Variants in ADCY2 observed in about 807,000 individuals in gnomAD.
ADCY2 encodes the protein adenylate cyclase 2.
In ADCY2, 31 loss-of-function variants were observed where a neutral mutation model predicts 125.2. The ratio of observed to expected loss-of-function variants is 0.25; its 90% CI spans 0.19 to 0.33. The LOEUF is 0.33. Among genes scored for constraint, ADCY2 ranks in the 10% least tolerant of loss-of-function variants. ADCY2 has a pLI of 1.00. For synonymous variants in ADCY2, 512 were observed against 548.4 expected, an observed-to-expected ratio of 0.93 and a Z score of 0.93; for missense variants, 904 against 1,418.2, an observed-to-expected ratio of 0.64 and a Z score of 5.82.
In ADCY2 at chr5:7,560,790, G is replaced by A. The variant is rs867199764; in HGVS notation, c.570+39891G>A. 2.6e-5 allele frequency among the ~76,000 whole-genome samples: 4 copies of A among 152,024 alleles called. No homozygotes were observed. The South Asian group carries it at 8.4e-4, about 32-fold the overall frequency. On this transcript the variant is annotated intron_variant, in intron 3 of 24. Coordinates refer to ENST00000338316, the MANE Select transcript of ADCY2 (RefSeq NM_020546.3). Reference sequence around the variant, plus strand: ...TGCAACCTCCACCTCCGAGATTCAAGCGATTCTCCTGTCTCAGCCTCCTGA... The same window carrying A: ...TGCAACCTCCACCTCCGAGATTCAAACGATTCTCCTGTCTCAGCCTCCTGA...
chr5:7,620,209 C>T (rs1396843773), intron 3 of ADCY2, among the ~76,000 whole-genome samples: 1 of 152,146 alleles, frequency 6.6e-6, no homozygotes, highest in East Asian at 1.9e-4. Context: ...GACTTAATAG[C>T]AACAGATGTG....
intron 2 of ADCY2, among the ~76,000 whole-genome samples, chr5:7,479,919 A>G (rs1742666436): frequency 6.6e-6 from 1 of 152,188 alleles, no homozygotes. Flanking sequence ...ATTTACTAGA[A>G]AAAACAAACC....
chr5:7,552,700 A>G (rs1277783044), intron 3 of ADCY2, among the ~76,000 whole-genome samples: 1 of 152,176 alleles, frequency 6.6e-6, no homozygotes, highest in Admixed American at 6.5e-5. Context: ...GATTCTCATA[A>G]TATTTTGTTA....
intron 7 of ADCY2, among the ~76,000 whole-genome samples, chr5:7,704,333 C>T (rs1561177521): frequency 6.6e-6 from 1 of 152,206 alleles, no homozygotes; most frequent in Non-Finnish European, 1.5e-5. Flanking sequence ...ACCTCATTCC[C>T]TGCTAGCCCA....
At chr5:7,597,801 C>A (rs1737058487) in intron 3 of ADCY2, among the ~76,000 whole-genome samples, 1 of 152,062 alleles carries the variant, frequency 6.6e-6, no homozygotes, top group Admixed American at 6.6e-5. Flanking sequence ...AAACAAAAAG[C>A]AGTAGTAGCG....
chr5:7,440,892 A>G (rs73044529), intron 2 of ADCY2, among the ~76,000 whole-genome samples: 7,680 of 152,212 alleles, frequency 0.05, 663 homozygotes, highest in African/African-American at 0.18. Context: ...GAGCCAAAGA[A>G]CCCACTGGAG....
intron 2 of ADCY2, among the ~76,000 whole-genome samples, chr5:7,488,114 A>G (rs1743011453): frequency 6.6e-6 from 1 of 152,136 alleles, no homozygotes; most frequent in African/African-American, 2.4e-5. Context: ...AATAATCCCC[A>G]TGTGTAAAGG....
chr5:7,485,983 G>A (rs4702469), intron 2 of ADCY2, among the ~76,000 whole-genome samples: 92,121 of 151,992 alleles, frequency 0.61, 28,013 homozygotes, highest in African/African-American at 0.63. Flanking sequence ...ATTTTTATGA[G>A]GATAAAGTAA....
At chr5:7,825,284 T>A (rs1477934872) in intron 24 of ADCY2, among the ~76,000 whole-genome samples, 1 of 151,758 alleles carries the variant, frequency 6.6e-6, no homozygotes, top group South Asian at 2.1e-4. Context: ...TGCTGCTGTG[T>A]GACATGACAA....
chr5:7,805,317 T>C (rs1744726366), intron 22 of ADCY2, among the ~76,000 whole-genome samples: 1 of 151,998 alleles, frequency 6.6e-6, no homozygotes, highest in Non-Finnish European at 1.5e-5. Flanking sequence ...TGACACCGCA[T>C]CTAAAAAATG....
intron 8 of ADCY2, 49 bp downstream of exon 8, chr5:7,706,951 G>A (rs1741285372): frequency 6.2e-7 from 1 of 1,606,266 alleles, no homozygotes; most frequent in Admixed American, 1.7e-5. Flanking sequence ...GAACTATTAG[G>A]AATGACAGAT....
intron 3 of ADCY2, among the ~76,000 whole-genome samples, chr5:7,546,674 A>G (rs1025922391): frequency 3.3e-5 from 5 of 152,194 alleles, no homozygotes; most frequent in Non-Finnish European, 7.3e-5. Context: ...AGCAGGCTGG[A>G]TCATGTGTTA....
intron 2 of ADCY2, among the ~76,000 whole-genome samples, chr5:7,438,061 C>G (rs1740872757): frequency 6.6e-6 from 1 of 152,184 alleles, no homozygotes. Context: ...TGATTACAAT[C>G]TATTTATTTC....
intron 15 of ADCY2, among the ~76,000 whole-genome samples, chr5:7,747,833 T>G (rs1301597795): frequency 3.9e-5 from 6 of 152,256 alleles, no homozygotes; most frequent in Non-Finnish European, 7.3e-5. Flanking sequence ...TTGTACTACT[T>G]CAGGCACTTG....
At chr5:7,650,098 C>T (rs1227244680) in intron 4 of ADCY2, among the ~76,000 whole-genome samples, 1 of 152,130 alleles carries the variant, frequency 6.6e-6, no homozygotes, top group Non-Finnish European at 1.5e-5. Flanking sequence ...AATGTATCCA[C>T]TATACAGCAG....
intron 2 of ADCY2, among the ~76,000 whole-genome samples, chr5:7,421,630 T>C (rs576913087): frequency 1.3e-5 from 2 of 152,318 alleles, no homozygotes; most frequent in South Asian, 2.1e-4. Context: ...ACAGTTCAAC[T>C]CCTAACTGAC....
intron 2 of ADCY2, among the ~76,000 whole-genome samples, chr5:7,502,928 G>C (rs779338502): frequency 1.1e-4 from 17 of 152,124 alleles, no homozygotes; most frequent in Non-Finnish European, 2.4e-4. Flanking sequence ...GTATTGATAT[G>C]GTATTGATAT....
At chr5:7,480,031 A>G (rs971286758) in intron 2 of ADCY2, among the ~76,000 whole-genome samples, 5 of 152,216 alleles carry the variant, frequency 3.3e-5, no homozygotes, top group South Asian at 2.1e-4. Context: ...ATCACTGATC[A>G]TTAGAGAAAT....
At chr5:7,825,148 C>T (rs1273546405) in intron 24 of ADCY2, among the ~76,000 whole-genome samples, 4 of 149,542 alleles carry the variant, frequency 2.7e-5, no homozygotes, top group South Asian at 4.2e-4. Context: ...CCCATAATAA[C>T]GCTGCTGTGT....
Sources: allele counts gnomAD v4.1 joint callset (sites outside exome capture counted in the v4.1 genomes callset), GRCh38; gene constraint gnomAD v4.1.1; transcripts MANE v1.5; gene names NCBI Gene and HGNC (gene_info 2026-07-23, HGNC 2026-07-21).